The following CEP128 variants were observed in gnomAD, a reference collection of about 807,000 sequenced individuals.
The protein encoded by CEP128 is centrosomal protein 128.
CEP128 carries 132 observed loss-of-function variants against 156.7 expected under a neutral mutation model. That is an observed-to-expected ratio of 0.84 (90% confidence interval 0.73 to 0.97). The LOEUF is 0.97. Among genes scored for constraint, CEP128 ranks in the 50% least tolerant of loss-of-function variants. CEP128 has a pLI of 0.00. For missense variants in CEP128, 1,252 were observed against 1,281.9 expected (o/e 0.98, Z 0.36); for synonymous variants, 469 against 448.9 (o/e 1.04, Z -0.57).
intron 23 of CEP128, among the ~76,000 whole-genome samples, chr14:80,518,389 T>A (rs1721655399): frequency 2.0e-5 from 3 of 151,972 alleles, no homozygotes; most frequent in Admixed American, 1.3e-4. Context: ...TGACTCAGAA[T>A]ATAGTCTACC....
chr14:80,780,901 C>A (rs981676473), intron 15 of CEP128, among the ~76,000 whole-genome samples: 1 of 152,102 alleles, frequency 6.6e-6, no homozygotes, highest in Non-Finnish European at 1.5e-5. Flanking sequence ...TGCAACAAAT[C>A]AAAATACAAG....
intron 9 of CEP128, among the ~76,000 whole-genome samples, chr14:80,862,495 G>A (rs1313385421): frequency 6.6e-6 from 1 of 152,110 alleles, no homozygotes; most frequent in African/African-American, 2.4e-5. Context: ...AATCTAATTA[G>A]GTCAATACTA....
intron 23 of CEP128, among the ~76,000 whole-genome samples, chr14:80,510,556 T>C (rs987756686): frequency 1.3e-5 from 2 of 152,248 alleles, no homozygotes; most frequent in African/African-American, 2.4e-5. Flanking sequence ...ACAAGAATAA[T>C]TGACTTCTTC....
intron 13 of CEP128, among the ~76,000 whole-genome samples, chr14:80,813,828 G>A (rs953781311): frequency 6.6e-6 from 1 of 151,944 alleles, no homozygotes; most frequent in African/African-American, 2.4e-5. Context: ...CCTATATATT[G>A]AACTTCATTA....
At chr14:80,795,393 G>A (rs536996356) in intron 13 of CEP128, among the ~76,000 whole-genome samples, 1 of 152,240 alleles carries the variant, frequency 6.6e-6, no homozygotes, top group East Asian at 1.9e-4. Context: ...TCTTTTGCTA[G>A]CTTTAAATCC....
chr14:80,709,867 C>T (rs1383952441), intron 19 of CEP128, among the ~76,000 whole-genome samples: 2 of 151,476 alleles, frequency 1.3e-5, no homozygotes, highest in Admixed American at 1.3e-4. Context: ...GTTCAGTTTT[C>T]ATTATTAACA....
intron 19 of CEP128, among the ~76,000 whole-genome samples, chr14:80,675,861 G>C (rs1896039751): frequency 6.6e-6 from 1 of 151,988 alleles, no homozygotes; most frequent in South Asian, 2.1e-4. Context: ...AATGGAAATT[G>C]TTATATTTCA....
chr14:80,723,947 C>A (rs1226534602), intron 19 of CEP128, among the ~76,000 whole-genome samples: 6 of 152,198 alleles, frequency 3.9e-5, no homozygotes, highest in Non-Finnish European at 1.5e-5. Context: ...AGAACACAAT[C>A]ATCCATCATC....
upstream of CEP128, among the ~76,000 whole-genome samples, chr14:80,941,958 T>C (rs916867588): frequency 1.3e-5 from 2 of 152,062 alleles, no homozygotes; most frequent in Admixed American, 1.3e-4. Context: ...CTATTTTTTT[T>C]TTTTGTTAAA....
chr14:80,830,989 C>T, intron 13 of CEP128, 154 bp downstream of exon 13: 1 of 656,210 alleles, frequency 1.5e-6, no homozygotes, highest in Non-Finnish European at 2.6e-6. Context: ...GGAATTTCTA[C>T]ATATAAGTAA....
intron 19 of CEP128, among the ~76,000 whole-genome samples, chr14:80,593,969 T>C (rs1033854035): frequency 3.3e-5 from 5 of 152,166 alleles, no homozygotes; most frequent in African/African-American, 1.2e-4. Flanking sequence ...TTAGAAAAAC[T>C]ACTTTAAATT....
chr14:80,621,125 CAT>C (rs1022630392), intron 19 of CEP128, among the ~76,000 whole-genome samples: 3 of 152,168 alleles, frequency 2.0e-5, no homozygotes, highest in African/African-American at 7.2e-5. Context: ...CTGAGTGGCG[CAT>C]ATATGACCTT....
At chr14:80,955,580 T>A in intron 2 of CEP128, 7 of 1,391,202 alleles carry the variant, frequency 5.0e-6, no homozygotes, top group Non-Finnish European at 7.1e-6. Context: ...TTCCCACCCC[T>A]CCCGCTCCCG....
chr14:80,794,427 C>T lies in CEP128; in HGVS notation c.1210-1317G>A, dbSNP rs1566630990. On this transcript the variant is annotated intron_variant, in intron 13 of 24. Coordinates refer to ENST00000555265, the MANE Select transcript of CEP128 (RefSeq NM_152446.5). ...TGCAGCCTGGAAGATGTCTCATCCA[C>T]CCAAATGGTAAATTGAGAACTGTGT... Among the ~76,000 whole-genome samples, 3 of 152,256 alleles carry T rather than the reference C, an allele frequency of 2.0e-5. No individual in the cohort carries two copies. In the South Asian group the frequency reaches 6.2e-4, roughly 32 times the overall value.
chr14:80,815,737 C>A (rs1162417984), intron 13 of CEP128, among the ~76,000 whole-genome samples: 1 of 152,158 alleles, frequency 6.6e-6, no homozygotes, highest in African/African-American at 2.4e-5. Context: ...AAATGGAATA[C>A]TATTCAGCCA....
intron 13 of CEP128, among the ~76,000 whole-genome samples, chr14:80,828,123 CTTT>C (rs1008856396): frequency 3.2e-5 from 4 of 126,964 alleles, no homozygotes; most frequent in Non-Finnish European, 3.3e-5. Context: ...CTTCTTTTTT[CTTT>C]TTTTTTTTTT....
At chr14:80,721,327 G>A (rs1346680975) in intron 19 of CEP128, among the ~76,000 whole-genome samples, 1 of 152,046 alleles carries the variant, frequency 6.6e-6, no homozygotes, top group Admixed American at 6.6e-5. Flanking sequence ...ACCAAAAAAT[G>A]GCCAGTATAA....
At chr14:80,684,695 C>T (rs1896457881) in intron 19 of CEP128, among the ~76,000 whole-genome samples, 2 of 148,772 alleles carry the variant, frequency 1.3e-5, no homozygotes, top group Admixed American at 1.3e-4. Context: ...AGGCAAAAAT[C>T]CTCAAAAAAA....
At chr14:80,942,364 G>A (rs932072974), upstream of CEP128, 2 of 152,124 alleles carry the variant, frequency 1.3e-5, no homozygotes, top group Admixed American at 1.3e-4. Flanking sequence ...CTTCAGTCTA[G>A]GTGTCATCTC....
Sources: gnomAD v4.1 joint callset for allele counts (sites outside exome capture counted in the v4.1 genomes callset) on GRCh38, gnomAD v4.1.1 for gene constraint, MANE v1.5 for transcripts, NCBI Gene and HGNC (gene_info 2026-07-23, HGNC 2026-07-21) for gene names.